The following TNIP3 variants were observed in gnomAD, a reference collection of about 807,000 sequenced individuals.
The protein encoded by TNIP3 is TNFAIP3-interacting protein 3.
In TNIP3, 34 loss-of-function variants were observed where a neutral mutation model predicts 54.1. The observed-to-expected ratio is 0.63, with a 90% CI of 0.48 to 0.84. TNIP3 has a LOEUF of 0.84. TNIP3 is among the 40% of genes least tolerant of loss of function. The pLI is 0.00. For synonymous variants in TNIP3, 134 were observed against 136.8 expected, an observed-to-expected ratio of 0.98 and a Z score of 0.14; for missense variants, 366 against 387.6, an observed-to-expected ratio of 0.94 and a Z score of 0.47.
chr4:121,158,265 CTA>C (rs1431164158), intron 3 of TNIP3, among the ~76,000 whole-genome samples: 2 of 152,164 alleles, frequency 1.3e-5, no homozygotes, highest in Non-Finnish European at 2.9e-5. Context: ...ATTTGTTTCT[CTA>C]TTTGTGGAAA....
intron 3 of TNIP3, among the ~76,000 whole-genome samples, chr4:121,178,127 A>C (rs968821128): frequency 1.3e-5 from 2 of 152,170 alleles, no homozygotes; most frequent in African/African-American, 4.8e-5. Flanking sequence ...GGGAGGGAAA[A>C]TTAAAAGTAG....
intron 1 of TNIP3, among the ~76,000 whole-genome samples, chr4:121,226,327 C>G (rs1210440538): frequency 1.3e-5 from 2 of 152,140 alleles, no homozygotes; most frequent in African/African-American, 4.8e-5. Context: ...ATGTTTTTCT[C>G]TTCTAGACTT....
intron 2 of TNIP3, among the ~76,000 whole-genome samples, chr4:121,206,243 C>T (rs1213541860): frequency 1.3e-5 from 2 of 152,236 alleles, no homozygotes; most frequent in African/African-American, 4.8e-5. Context: ...GTCTTTTAGA[C>T]TTCTCAAGTA....
At chr4:121,224,573 CTAAT>C (rs902938418) in intron 1 of TNIP3, among the ~76,000 whole-genome samples, 2 of 152,112 alleles carry the variant, frequency 1.3e-5, no homozygotes, top group African/African-American at 4.8e-5. Flanking sequence ...AGAACACTCT[CTAAT>C]TAGAAATTCA....
intron 10 of TNIP3, 24 bp downstream of exon 10, chr4:121,138,600 T>G: frequency 6.2e-7 from 1 of 1,608,678 alleles, no homozygotes; most frequent in Non-Finnish European, 8.5e-7. Context: ...CATGAAAGAA[T>G]GCTCAATACA....
At chr4:121,186,394 C>T (rs1005861739) in intron 2 of TNIP3, among the ~76,000 whole-genome samples, 4 of 152,198 alleles carry the variant, frequency 2.6e-5, no homozygotes, top group Non-Finnish European at 5.9e-5. Flanking sequence ...TGTCTTTTCT[C>T]ATTGCCAATA....
At chr4:121,180,291 T>A (rs1724609834) in intron 3 of TNIP3, among the ~76,000 whole-genome samples, 1 of 152,066 alleles carries the variant, frequency 6.6e-6, no homozygotes, top group African/African-American at 2.4e-5. Flanking sequence ...TCCCAGCTAC[T>A]CGGGAGGCTG....
At chr4:121,187,400 A>G (rs1424840757) in intron 2 of TNIP3, among the ~76,000 whole-genome samples, 2 of 152,144 alleles carry the variant, frequency 1.3e-5, no homozygotes, top group African/African-American at 4.8e-5. Flanking sequence ...AGTAAGCTTG[A>G]GCGTCAGTGA....
intron 3 of TNIP3, 182 bp from the exon 4 acceptor site, chr4:121,157,425 G>A (rs1370083121): frequency 5.5e-6 from 4 of 724,738 alleles, no homozygotes; most frequent in Non-Finnish European, 9.1e-6. Flanking sequence ...AGGGAGCTTG[G>A]CCTTGCACCA....
At chr4:121,149,530 G>T (rs945007358) in intron 6 of TNIP3, among the ~76,000 whole-genome samples, 2 of 152,182 alleles carry the variant, frequency 1.3e-5, no homozygotes, top group Non-Finnish European at 2.9e-5. Context: ...ACTTTGGAAG[G>T]CCGAGGCAGG....
intron 1 of TNIP3, 137 bp from the exon 2 acceptor site, chr4:121,161,353 AT>A: frequency 1.5e-6 from 1 of 682,826 alleles, no homozygotes; most frequent in Non-Finnish European, 2.4e-6. Context: ...AGCAGTAATA[AT>A]CCTCATACCC....
intron 2 of TNIP3, among the ~76,000 whole-genome samples, chr4:121,213,036 A>T (rs1726563844): frequency 6.6e-6 from 1 of 152,222 alleles, no homozygotes; most frequent in Admixed American, 6.5e-5. Flanking sequence ...TTGGCTGCTC[A>T]ATGTTGCATC....
chr4:121,154,330 A>T (rs1342209109), intron 5 of TNIP3: 2 of 503,462 alleles, frequency 4.0e-6, no homozygotes, highest in Non-Finnish European at 6.9e-6. Flanking sequence ...TCTCTTTCTC[A>T]TGATGAATCT....
intron 2 of TNIP3, among the ~76,000 whole-genome samples, chr4:121,196,076 A>C (rs891099354): frequency 6.6e-6 from 1 of 152,204 alleles, no homozygotes; most frequent in Non-Finnish European, 1.5e-5. Context: ...AGGCCTTTTT[A>C]AGGTGGAAAC....
chr4:121,211,449 A>C (rs1347742579), intron 2 of TNIP3, among the ~76,000 whole-genome samples: 1 of 152,196 alleles, frequency 6.6e-6, no homozygotes, highest in Non-Finnish European at 1.5e-5. Flanking sequence ...ATTACATTTA[A>C]ATTTTCAATT....
At chr4:121,166,473 T>C (rs766195233), upstream of TNIP3, among the ~76,000 whole-genome samples, 20 of 152,228 alleles carry the variant, frequency 1.3e-4, no homozygotes, top group South Asian at 4.1e-4. Flanking sequence ...CTTTGTTTCA[T>C]GAGAAGTATC....
intron 2 of TNIP3, among the ~76,000 whole-genome samples, chr4:121,209,128 G>A (rs1229784334): frequency 1.3e-5 from 2 of 152,254 alleles, no homozygotes; most frequent in Non-Finnish European, 2.9e-5. Flanking sequence ...TGGGAAGATG[G>A]CAGGTTTGTT....
chr4:121,220,676 C>T (rs1579514068), upstream of TNIP3, among the ~76,000 whole-genome samples: 1 of 151,972 alleles, frequency 6.6e-6, no homozygotes, highest in African/African-American at 2.4e-5. Context: ...GTAAAATTGT[C>T]ATAAATAGCG....
At chr4:121,211,734 T>C (rs1275226459) in intron 2 of TNIP3, among the ~76,000 whole-genome samples, 1 of 152,232 alleles carries the variant, frequency 6.6e-6, no homozygotes. Context: ...GTCTGTATAT[T>C]GAATTATCAA....
Sources: gnomAD v4.1 joint callset for allele counts (sites outside exome capture counted in the v4.1 genomes callset) on GRCh38, gnomAD v4.1.1 for gene constraint, MANE v1.5 for transcripts, NCBI Gene and HGNC (gene_info 2026-07-23, HGNC 2026-07-21) for gene names.